Variants in BMERB1 observed in about 807,000 individuals in gnomAD.
The protein encoded by BMERB1 is bMERB domain containing 1.
In BMERB1, 12 loss-of-function variants were observed where a neutral mutation model predicts 23.6. The ratio of observed to expected loss-of-function variants is 0.51; its 90% CI spans 0.33 to 0.82. The LOEUF (loss-of-function observed/expected upper bound fraction) is 0.82, where lower values mean the gene tolerates loss of function less well. Ranked by LOEUF, BMERB1 falls within the 40% of genes least tolerant of loss-of-function variation. The pLI, the probability that BMERB1 is intolerant of heterozygous loss-of-function variation, is 0.03. For missense variants in BMERB1, 247 were observed against 255.4 expected, an observed-to-expected ratio of 0.97 and a Z score of 0.22; for synonymous variants, 122 against 96.6, an observed-to-expected ratio of 1.26 and a Z score of -1.54.
At chr16:15,585,093 T>C (rs1265321312) in intron 5 of BMERB1, among the ~76,000 whole-genome samples, 2 of 152,130 alleles carry the variant, frequency 1.3e-5, no homozygotes, top group African/African-American at 4.8e-5. Flanking sequence ...CTGTGAAAGA[T>C]GGTTGGAGGG....
chr16:15,460,615 G>A (rs1567454846), intron 1 of BMERB1, among the ~76,000 whole-genome samples: 1 of 152,132 alleles, frequency 6.6e-6, no homozygotes, highest in Non-Finnish European at 1.5e-5. Flanking sequence ...GGCAAAAGCA[G>A]AGGTTGTTAT....
chr16:15,444,774 T>C (rs2050975159), intron 1 of BMERB1, among the ~76,000 whole-genome samples: 1 of 152,244 alleles, frequency 6.6e-6, no homozygotes, highest in South Asian at 2.1e-4. Flanking sequence ...GGCCTGGCTC[T>C]GCCATGTCCT....
At chr16:15,482,570 C>T (rs2150935841) in intron 1 of BMERB1, among the ~76,000 whole-genome samples, 2 of 152,164 alleles carry the variant, frequency 1.3e-5, no homozygotes, top group East Asian at 3.9e-4. Flanking sequence ...GGAGTTGAGT[C>T]ACTCGACAAT....
At position 15,513,758 on chromosome 16, in the gene BMERB1, G is replaced by A. The variant is rs567037029; in HGVS notation, c.107-1547G>A. Among the ~76,000 whole-genome samples, 12 of 152,162 alleles carry A rather than the reference G, an allele frequency of 7.9e-5. No homozygotes were observed. The East Asian group carries it at 9.7e-4, about 12-fold the overall frequency. On this transcript the variant is annotated intron_variant, in intron 1 of 5. Coordinates refer to ENST00000300006, the MANE Select transcript of BMERB1 (RefSeq NM_033201.3). ...AAAATACAAAAATTAGCCGGGTGTC[G>A]TGGCATAAACTTGTTATCCCAGCTA...
chr16:15,453,375 C>A (rs1387371540), intron 1 of BMERB1, among the ~76,000 whole-genome samples: 1 of 152,142 alleles, frequency 6.6e-6, no homozygotes, highest in Admixed American at 6.5e-5. Flanking sequence ...CCCAGGAGTT[C>A]AAGGCCAGCT....
chr16:15,552,572 G>A lies in BMERB1; in HGVS notation c.231-15411G>A, dbSNP rs149286433. Among the ~76,000 whole-genome samples, 182 of 152,344 alleles carry A rather than the reference G, an allele frequency of 1.2e-3. 1 individual carries two copies. The highest frequency in any genetic ancestry group is 0.01 in the Middle Eastern group (3 of 294). On this transcript the variant is annotated intron_variant, in intron 2 of 5. Transcript: ENST00000300006. ...AGGTAGCATCAGTGAGCAGGTGCAGGAAATCTGTTGGCCAACCTTGCATGC... is the reference window on the plus strand; with the variant it reads ...AGGTAGCATCAGTGAGCAGGTGCAGAAAATCTGTTGGCCAACCTTGCATGC...
intron 3 of BMERB1, among the ~76,000 whole-genome samples, chr16:15,571,231 G>A (rs1381334735): frequency 3.3e-5 from 5 of 152,152 alleles, no homozygotes; most frequent in Admixed American, 1.3e-4. Context: ...GTTGCTGAAT[G>A]TACCCCAAGC....
intron 1 of BMERB1, among the ~76,000 whole-genome samples, chr16:15,498,199 C>T (rs949495006): frequency 5.3e-5 from 8 of 151,890 alleles, no homozygotes; most frequent in South Asian, 2.1e-4. Flanking sequence ...TTTAATCACA[C>T]CTAGGTAAGT....
intron 1 of BMERB1, among the ~76,000 whole-genome samples, chr16:15,493,106 A>C (rs368196536): frequency 3.3e-5 from 5 of 152,124 alleles, no homozygotes; most frequent in East Asian, 3.9e-4. Context: ...TAATCCCAGC[A>C]CTTTGGGAGG....
intron 2 of BMERB1, among the ~76,000 whole-genome samples, chr16:15,523,375 AT>A (rs1420898039): frequency 1.3e-5 from 2 of 152,082 alleles, no homozygotes; most frequent in African/African-American, 4.8e-5. Context: ...GAAATGCAAC[AT>A]TTGGGCAGGA....
intron 1 of BMERB1, among the ~76,000 whole-genome samples, chr16:15,451,962 A>T (rs546962680): frequency 6.6e-6 from 1 of 152,024 alleles, no homozygotes; most frequent in East Asian, 1.9e-4. Context: ...AAAGGAATGT[A>T]TCTGGAAATC....
chr16:15,496,479 C>T (rs2051474445), intron 1 of BMERB1, among the ~76,000 whole-genome samples: 1 of 152,106 alleles, frequency 6.6e-6, no homozygotes, highest in Non-Finnish European at 1.5e-5. Flanking sequence ...AGCCACACAA[C>T]TAGCTATTAT....
intron 1 of BMERB1, among the ~76,000 whole-genome samples, chr16:15,513,667 G>A (rs1164684391): frequency 1.3e-5 from 2 of 152,048 alleles, no homozygotes; most frequent in African/African-American, 2.4e-5. Context: ...AGGCTGAGGC[G>A]GGTGGGTCAT....
intron 1 of BMERB1, among the ~76,000 whole-genome samples, chr16:15,459,506 A>G (rs1041426763): frequency 6.6e-6 from 1 of 152,200 alleles, no homozygotes; most frequent in African/African-American, 2.4e-5. Context: ...AGAAAATTTA[A>G]GACAAAAAAT....
chr16:15,495,958 A>G (rs1299823635), intron 1 of BMERB1, among the ~76,000 whole-genome samples: 10 of 151,806 alleles, frequency 6.6e-5, no homozygotes, highest in Non-Finnish European at 8.8e-5. Flanking sequence ...GATGGTGGTG[A>G]TGGTGGTGGT....
chr16:15,500,323 C>T (rs1396213549), intron 1 of BMERB1, among the ~76,000 whole-genome samples: 2 of 152,142 alleles, frequency 1.3e-5, no homozygotes, highest in African/African-American at 4.8e-5. Context: ...CCTCACAGTC[C>T]CTGCTGAAGG....
Position 15,476,160 on chromosome 16 carries a change from C to CT in BMERB1, c.107-39125dup, listed in dbSNP as rs55893889. On this transcript the variant is annotated intron_variant, in intron 1 of 5. Coordinates refer to ENST00000300006, the MANE Select transcript of BMERB1 (RefSeq NM_033201.3). ...TATCCTACTTTGTACATGTCATTCA[C>CT]TTTTTTTTTTTTTTTTTTTTGAGAT... 1.6e-3 allele frequency among the ~76,000 whole-genome samples: 137 copies of CT among 86,538 alleles called. 3 individuals carry two copies. The highest frequency in any genetic ancestry group is 4.2e-3 in the African/African-American group (117 of 28,164). 56.8% of individuals were successfully genotyped at this position (86,538 alleles called of 152,430 possible). A position where few individuals can be genotyped will look rare whatever the true frequency, so the allele number is the denominator to read the frequency against.
intron 2 of BMERB1, among the ~76,000 whole-genome samples, chr16:15,547,591 C>T (rs951691536): frequency 3.0e-4 from 45 of 152,068 alleles, no homozygotes; most frequent in African/African-American, 1.0e-3. Context: ...GTGATGCATC[C>T]GCCTTGGGCT....
At chr16:15,504,445 A>T (rs2051562738) in intron 1 of BMERB1, among the ~76,000 whole-genome samples, 2 of 143,738 alleles carry the variant, frequency 1.4e-5, no homozygotes, top group East Asian at 2.0e-4. Context: ...CTCTTCTTAA[A>T]TTTTTTTTTT....
Sources: gnomAD v4.1 joint callset for allele counts (sites outside exome capture counted in the v4.1 genomes callset) on GRCh38, gnomAD v4.1.1 for gene constraint, MANE v1.5 for transcripts, NCBI Gene and HGNC (gene_info 2026-07-23, HGNC 2026-07-21) for gene names.